Variants in ABCB1 observed in about 807,000 individuals in gnomAD.
ABCB1 encodes ATP-dependent translocase ABCB1.
ABCB1 carries 69 observed loss-of-function variants against 142.0 expected under a neutral mutation model. That is an observed-to-expected ratio of 0.49 (90% CI 0.40 to 0.59). The LOEUF (loss-of-function observed/expected upper bound fraction) is 0.59, where lower values mean the gene tolerates loss of function less well. Ranked by LOEUF, ABCB1 falls within the 20% of genes least tolerant of loss-of-function variation. The pLI is 0.00. For missense variants in ABCB1, 1,326 were observed against 1,554.7 expected (o/e 0.85, Z 2.47); for synonymous variants, 532 against 539.2 (o/e 0.99, Z 0.18).
Position 87,600,302 on chromosome 7 carries a change from G to A in ABCB1, c.-6-112C>T, listed in dbSNP as rs992231769. On this transcript the variant is annotated intron_variant, in intron 1 of 27. Coordinates refer to ENST00000622132, the MANE Select transcript of ABCB1 (RefSeq NM_001348946.2). ...CAGAGAGCAGTAAGAGGGAGCGCCC[G>A]CCGTTGATGCCCCAGCTGCTCTGGC... 25 of 830,224 alleles carry A rather than the reference G, an allele frequency of 3.0e-5. No individual in the cohort carries two copies. The African/African-American group carries it at 3.9e-4, about 13-fold the overall frequency. 51.4% of individuals were successfully genotyped at this position (830,224 alleles called of 1,614,324 possible). A position where few individuals can be genotyped will look rare whatever the true frequency, so the allele number is the denominator to read the frequency against.
intron 1 of ABCB1, among the ~76,000 whole-genome samples, chr7:87,620,817 C>G (rs556169109): frequency 1.3e-5 from 2 of 152,020 alleles, no homozygotes; most frequent in Admixed American, 1.3e-4. Context: ...CCAACAGAAT[C>G]TGAAAATTTA....
chr7:87,687,853 T>A (rs1225336360), intron 1 of ABCB1, among the ~76,000 whole-genome samples: 1 of 152,208 alleles, frequency 6.6e-6, no homozygotes, highest in Middle Eastern at 3.2e-3. Context: ...TGAGGCCATC[T>A]TTTGAAGTAC....
At chr7:87,564,460 A>C (rs1332709939) in intron 7 of ABCB1, among the ~76,000 whole-genome samples, 1 of 152,150 alleles carries the variant, frequency 6.6e-6, no homozygotes, top group Non-Finnish European at 1.5e-5. Context: ...CTAGTGGCCC[A>C]GTGTCTCTGG....
At chr7:87,592,846 A>G (rs1819048988) in intron 3 of ABCB1, among the ~76,000 whole-genome samples, 1 of 152,010 alleles carries the variant, frequency 6.6e-6, no homozygotes, top group African/African-American at 2.4e-5. Flanking sequence ...ATTTAGAAAA[A>G]AATTAATGTT....
Position 87,520,798 on chromosome 7 carries a change from G to A in ABCB1, c.2764C>T (p.Gln922Ter), listed in dbSNP as rs1815469494. The A allele has an allele frequency of 1.2e-6, 2 of 1,613,806 alleles. No homozygotes were observed. Among genetic ancestry groups the A allele is most frequent in the Non-Finnish European group, 1.7e-6 (2 of 1,179,834 alleles). The change falls in exon 22 of 28, where the codon CAG becomes TAG. Residue 922 changes from glutamine to a stop codon, truncating the protein, a stop_gained. Coordinates refer to ENST00000622132, the MANE Select transcript of ABCB1 (RefSeq NM_001348946.2). LOFTEE classifies it high-confidence loss of function. ...QEQKFEHMYA[Q>*]SLQVPYRNSL... is the part of the protein sequence containing the mutation. ...TACCTGTATGGTACCTGCAAACTCT[G>A]AGCATACATATGTTCAAACTTCTGC...
chr7:87,566,213 C>T lies in ABCB1; in HGVS notation c.559G>A (p.Gly187Ser), dbSNP rs745836011. ...TGAAAGAACATTCCAATTTTGTCAC[C>T]AATTCCTTCATTAATCTTGGAGACA... ...DDVSKINEGIGDKIGMFFQSM... is the reference protein window; with the variant it reads ...DDVSKINEGISDKIGMFFQSM... The change falls in exon 7 of 28, where the codon GGT (glycine) becomes AGT (serine). Residue 187 changes from glycine to serine, a missense_variant. Gly to Ser is a moderately conservative substitution (Grantham distance 56). Coordinates refer to ENST00000622132, the MANE Select transcript of ABCB1 (RefSeq NM_001348946.2). The T allele has an allele frequency of 1.2e-5, 19 of 1,614,006 alleles. No homozygotes were observed. In the East Asian group the frequency reaches 3.6e-4, roughly 30 times the overall value.
intron 1 of ABCB1, among the ~76,000 whole-genome samples, chr7:87,670,824 G>T (rs538909587): frequency 1.3e-5 from 2 of 152,278 alleles, no homozygotes; most frequent in South Asian, 4.1e-4. Flanking sequence ...GACTTGTTTG[G>T]TTGTGTGGCT....
At chr7:87,548,705 C>T (rs772604542) in intron 14 of ABCB1, among the ~76,000 whole-genome samples, 5 of 152,182 alleles carry the variant, frequency 3.3e-5, no homozygotes, top group East Asian at 1.9e-4. Flanking sequence ...GTTACTATCA[C>T]GTGCTGGAGA....
At chr7:87,516,378 G>T in intron 24 of ABCB1, 131 bp downstream of exon 24, 6 of 1,173,538 alleles carry the variant, frequency 5.1e-6, no homozygotes, top group Non-Finnish European at 5.0e-6. Flanking sequence ...GTAATTGAAA[G>T]GAATCTATGA....
At chr7:87,647,012 A>G (rs1355637566) in intron 1 of ABCB1, among the ~76,000 whole-genome samples, 15 of 152,214 alleles carry the variant, frequency 9.9e-5, no homozygotes, top group Middle Eastern at 3.2e-3. Flanking sequence ...GTAGTTGAAC[A>G]TTAATCTATC....
At chr7:87,528,463 T>G (rs1006361380) in intron 21 of ABCB1, among the ~76,000 whole-genome samples, 3 of 152,172 alleles carry the variant, frequency 2.0e-5, no homozygotes, top group African/African-American at 7.2e-5. Context: ...TTTTTTCAAA[T>G]TGTTGCAAGT....
At chr7:87,568,767 A>G (rs1408585257) in intron 5 of ABCB1, among the ~76,000 whole-genome samples, 1 of 151,574 alleles carries the variant, frequency 6.6e-6, no homozygotes, top group Admixed American at 6.5e-5. Context: ...ACTAATTACT[A>G]TCTAAGTGTT....
In ABCB1 at chr7:87,548,927, A is replaced by C. The variant is rs1421588677; in HGVS notation, c.1725+421T>G. Reference sequence around the variant, plus strand: ...ATAGAGTCTTCAAGTGGCATTCAACACCTGGAAAATTATATATGGACCTTC... The same window carrying C: ...ATAGAGTCTTCAAGTGGCATTCAACCCCTGGAAAATTATATATGGACCTTC... On this transcript the variant is annotated intron_variant, in intron 14 of 27. Coordinates refer to ENST00000622132, the MANE Select transcript of ABCB1 (RefSeq NM_001348946.2). Among the ~76,000 whole-genome samples, 3 of 152,180 alleles carry C rather than the reference A, an allele frequency of 2.0e-5. No homozygotes were observed. The East Asian group carries it at 5.8e-4, about 29-fold the overall frequency.
intron 3 of ABCB1, 51 bp downstream of exon 3, chr7:87,595,715 A>C: frequency 2.2e-6 from 3 of 1,349,202 alleles, no homozygotes; most frequent in African/African-American, 1.4e-5. Context: ...CCATGTAAGG[A>C]GATGTCAAAT....
chr7:87,538,135 A>G (rs1172823072), intron 19 of ABCB1, among the ~76,000 whole-genome samples: 1 of 152,226 alleles, frequency 6.6e-6, no homozygotes, highest in African/African-American at 2.4e-5. Flanking sequence ...TTAACAATTT[A>G]TGGAGGAGAC....
rs779916152 is a variant in ABCB1, at chr7:87,541,383, T to G, written c.2293A>C (p.Ile765Leu). Residue 765 changes from isoleucine to leucine, a missense_variant, in exon 18 of 28, where the codon ATT becomes CTT. By Grantham distance (5) the Ile-to-Leu change is conservative (BLOSUM62 2). Transcript: ENST00000622132. Reference protein sequence around the residue: ...FSLLFLALGIISFITFFLQGF... With the variant: ...FSLLFLALGILSFITFFLQGF... ...TGAAGGAAAAATGTAATAAAAGAAA[T>G]AATTCCAAGGGCTAGAAACAATAGT... 4 of 1,596,654 alleles carry G rather than the reference T, an allele frequency of 2.5e-6. No homozygotes were observed. The Admixed American group carries it at 5.0e-5, about 20-fold the overall frequency.
intron 4 of ABCB1, among the ~76,000 whole-genome samples, chr7:87,579,536 T>A (rs1818419590): frequency 6.6e-6 from 1 of 152,202 alleles, no homozygotes; most frequent in African/African-American, 2.4e-5. Context: ...CGATGAACAA[T>A]CCTTGCATCC....
intron 9 of ABCB1, among the ~76,000 whole-genome samples, chr7:87,553,341 G>A (rs1239995920): frequency 1.6e-4 from 4 of 24,876 alleles, no homozygotes; most frequent in Non-Finnish European, 3.2e-4. Flanking sequence ...TTTTTTTTTT[G>A]AGACAGTCTT....
intron 23 of ABCB1, among the ~76,000 whole-genome samples, chr7:87,518,375 A>G (rs907809971): frequency 2.3e-4 from 35 of 152,182 alleles, no homozygotes; most frequent in Non-Finnish European, 2.9e-5. Context: ...AATTTTTTGG[A>G]GTAAAGCAAT....
Sources: gnomAD v4.1 joint callset for allele counts (sites outside exome capture counted in the v4.1 genomes callset) on GRCh38, gnomAD v4.1.1 for gene constraint, MANE v1.5 for transcripts, NCBI Gene and HGNC (gene_info 2026-07-23, HGNC 2026-07-21) for gene names.